Variants in ZBTB20 observed in about 807,000 individuals in gnomAD.
ZBTB20 encodes the protein zinc finger and BTB domain containing 20, also known as zinc finger and BTB domain-containing protein 20.
Under a neutral mutation model 56.9 loss-of-function variants are expected in ZBTB20, and 9 were observed. That is an observed-to-expected ratio of 0.16 (90% CI 0.10 to 0.28). The LOEUF (loss-of-function observed/expected upper bound fraction) is 0.28. Ranked by LOEUF, ZBTB20 falls within the 10% of genes least tolerant of loss-of-function variation. The probability of loss-of-function intolerance (pLI) is 1.00; values close to 1 mark genes in which losing one functional copy is unlikely to be tolerated. For missense variants in ZBTB20, 655 were observed against 1,003.0 expected (o/e 0.65, Z 4.69); for synonymous variants, 417 against 420.7 (o/e 0.99, Z 0.11).
chr3:115,010,612 G>C (rs1404975041), intron 2 of ZBTB20, among the ~76,000 whole-genome samples: 1 of 151,892 alleles, frequency 6.6e-6, no homozygotes, highest in African/African-American at 2.4e-5. Flanking sequence ...CCCTAAAGTA[G>C]ATATTTCTTA....
chr3:114,714,599 T>A (rs1016538906), intron 5 of ZBTB20, among the ~76,000 whole-genome samples: 8 of 152,082 alleles, frequency 5.3e-5, no homozygotes, highest in African/African-American at 1.9e-4. Flanking sequence ...CCCCTTCTTC[T>A]TCATCATCTT....
chr3:114,659,536 G>C (rs1392534266), intron 6 of ZBTB20, among the ~76,000 whole-genome samples: 1 of 151,992 alleles, frequency 6.6e-6, no homozygotes, highest in Non-Finnish European at 1.5e-5. Flanking sequence ...AAGAGCTCTG[G>C]GTCCAAATGT....
chr3:114,522,598 G>A lies in ZBTB20; in HGVS notation c.-294-22207C>T, dbSNP rs552585924. 3.3e-5 allele frequency among the ~76,000 whole-genome samples: 5 copies of A among 152,278 alleles called. No individual in the cohort carries two copies. In the South Asian group the frequency reaches 1.0e-3, roughly 32 times the overall value. ...CAGAAGCAGGGAAGACAATTAGGAG[G>A]CTACTGCAATAATCCGGGTAAGAAA... On this transcript the variant is annotated intron_variant, in intron 6 of 11. Transcript: ENST00000675478.
intron 3 of ZBTB20, among the ~76,000 whole-genome samples, chr3:114,949,238 GC>G (rs1385196784): frequency 6.9e-6 from 1 of 145,802 alleles, no homozygotes; most frequent in Non-Finnish European, 1.5e-5. Flanking sequence ...GTCCATCCTT[GC>G]CCCCATCTCA....
At chr3:114,988,530 T>C (rs777618702) in intron 2 of ZBTB20, among the ~76,000 whole-genome samples, 3 of 152,146 alleles carry the variant, frequency 2.0e-5, no homozygotes, top group African/African-American at 7.2e-5. Flanking sequence ...TTCCAAGTCT[T>C]TGCTATTGTG....
intron 1 of ZBTB20, among the ~76,000 whole-genome samples, chr3:115,128,586 C>T (rs1168274871): frequency 6.6e-6 from 1 of 151,590 alleles, no homozygotes; most frequent in South Asian, 2.1e-4. Flanking sequence ...ATCGCTTGAA[C>T]CCAGGAGGCG....
At chr3:114,677,927 TAAG>T (rs2061727263) in intron 6 of ZBTB20, among the ~76,000 whole-genome samples, 2 of 152,196 alleles carry the variant, frequency 1.3e-5, no homozygotes, top group Admixed American at 1.3e-4. Context: ...TTTTTGCCCA[TAAG>T]AAGGTTATAT....
At chr3:114,801,029 T>A (rs1284246222) in intron 5 of ZBTB20, 72 bp downstream of exon 5, 1 of 152,084 alleles carries the variant, frequency 6.6e-6, no homozygotes, top group Non-Finnish European at 1.5e-5. Flanking sequence ...GGTTACTATG[T>A]TACCAATGTT....
chr3:114,888,654 G>T (rs2076694692), intron 4 of ZBTB20, among the ~76,000 whole-genome samples: 1 of 151,888 alleles, frequency 6.6e-6, no homozygotes, highest in South Asian at 2.1e-4. Flanking sequence ...TTTTATTTTG[G>T]TCTAGAGTAT....
At chr3:114,368,449 C>A (rs1410520830) in intron 10 of ZBTB20, among the ~76,000 whole-genome samples, 1 of 152,154 alleles carries the variant, frequency 6.6e-6, no homozygotes, top group Non-Finnish European at 1.5e-5. Flanking sequence ...ACATCAGGAG[C>A]CATTCTGCAT....
At chr3:115,104,832 A>G (rs1400272140) in intron 1 of ZBTB20, among the ~76,000 whole-genome samples, 1 of 152,204 alleles carries the variant, frequency 6.6e-6, no homozygotes, top group Non-Finnish European at 1.5e-5. Flanking sequence ...CAACACCAAG[A>G]GTGAACCTTA....
intron 4 of ZBTB20, among the ~76,000 whole-genome samples, chr3:114,862,486 G>A (rs940177089): frequency 6.6e-6 from 1 of 151,680 alleles, no homozygotes; most frequent in Non-Finnish European, 1.5e-5. Context: ...TTCAAAACTC[G>A]AATAAACATC....
At chr3:114,961,575 T>C (rs997338056) in intron 3 of ZBTB20, among the ~76,000 whole-genome samples, 1 of 152,120 alleles carries the variant, frequency 6.6e-6, no homozygotes, top group African/African-American at 2.4e-5. Context: ...TGATGAATCT[T>C]CTTCAAGGAA....
chr3:115,116,815 T>C (rs955370848), intron 1 of ZBTB20, among the ~76,000 whole-genome samples: 1 of 152,046 alleles, frequency 6.6e-6, no homozygotes, highest in African/African-American at 2.4e-5. Context: ...AAGTTGGTTG[T>C]TTACATGCCT....
At chr3:114,772,083 A>C (rs1409217874) in intron 5 of ZBTB20, among the ~76,000 whole-genome samples, 2 of 152,078 alleles carry the variant, frequency 1.3e-5, no homozygotes, top group Non-Finnish European at 2.9e-5. Flanking sequence ...TTAAAATTTT[A>C]GTAATCCCCA....
At position 115,011,467 on chromosome 3, in the gene ZBTB20, C is replaced by T. The variant is rs111975486; in HGVS notation, c.-506-37051G>A. Among the ~76,000 whole-genome samples, 634 of 151,882 alleles carry T rather than the reference C, an allele frequency of 4.2e-3. 6 individuals carry two copies. The highest frequency in any genetic ancestry group is 0.014 in the African/African-American group (592 of 41,458). On this transcript the variant is annotated intron_variant, in intron 2 of 11. Coordinates refer to ENST00000675478, the MANE Select transcript of ZBTB20 (RefSeq NM_001348800.3). ...AACACATCTGGCAGCAGACTTTTCA[C>T]TGGAAACTTTATAGGCCAGCAGAGA... is the stretch of plus-strand genomic sequence containing the variant.
In ZBTB20 at chr3:114,660,099, G is replaced by A. The variant is rs550287055; in HGVS notation, c.-295+33429C>T. Among the ~76,000 whole-genome samples the A allele has an allele frequency of 7.6e-4, 115 of 152,158 alleles. 1 individual carries two copies. In the South Asian group the frequency reaches 0.021, roughly 28 times the overall value. On this transcript the variant is annotated intron_variant, in intron 6 of 11. Transcript: ENST00000675478. ...AAAATGTATTTTCCATTGACCACTT[G>A]TGCTTGTTTAAGAAAATAAAAAATA...
Position 114,621,082 on chromosome 3 carries a change from A to C in ZBTB20, c.-295+72446T>G, listed in dbSNP as rs145462348. On this transcript the variant is annotated intron_variant, in intron 6 of 11. Coordinates refer to ENST00000675478, the MANE Select transcript of ZBTB20 (RefSeq NM_001348800.3). The stretch of plus-strand genomic sequence containing the variant: ...AAATGAATTCATTAAACATATGCTC[A>C]ATTTTAAGATATCAATTAATTTCTT... 8.2e-3 allele frequency among the ~76,000 whole-genome samples: 1,248 copies of C among 152,346 alleles called. 21 individuals are homozygous for C. Among genetic ancestry groups the C allele is most frequent in the African/African-American group, 0.028 (1,163 of 41,574 alleles).
intron 3 of ZBTB20, among the ~76,000 whole-genome samples, chr3:114,967,820 G>A (rs1394336091): frequency 6.6e-6 from 1 of 151,984 alleles, no homozygotes; most frequent in Non-Finnish European, 1.5e-5. Context: ...AGCCAGGCGT[G>A]GTGGCGGGCA....
Sources: gnomAD v4.1 joint callset for allele counts (sites outside exome capture counted in the v4.1 genomes callset) on GRCh38, gnomAD v4.1.1 for gene constraint, MANE v1.5 for transcripts, NCBI Gene and HGNC (gene_info 2026-07-23, HGNC 2026-07-21) for gene names.